The following SLC30A4 variants were observed in gnomAD, a reference collection of about 807,000 sequenced individuals.
SLC30A4 encodes solute carrier family 30 member 4.
Under a neutral mutation model 41.7 loss-of-function variants are expected in SLC30A4, and 20 were observed. The observed-to-expected ratio is 0.48, with a 90% CI of 0.34 to 0.70. The LOEUF is 0.70. Among genes scored for constraint, SLC30A4 ranks in the 30% least tolerant of loss-of-function variants. The pLI, the probability that SLC30A4 is intolerant of heterozygous loss-of-function variation, is 0.01. For missense variants in SLC30A4, 441 were observed against 529.3 expected (o/e 0.83, Z 1.64); for synonymous variants, 181 against 195.9 (o/e 0.92, Z 0.64).
intron 2 of SLC30A4, among the ~76,000 whole-genome samples, chr15:45,513,052 C>T (rs937396921): frequency 2.0e-5 from 3 of 151,740 alleles, no homozygotes; most frequent in Non-Finnish European, 4.4e-5. Context: ...GTAATCCCAA[C>T]ACTTTGGGAG....
At position 45,522,127 on chromosome 15, in the gene SLC30A4, T is replaced by C. The variant is rs1892687767; in HGVS notation, c.228A>G (p.Leu76=). The part of the protein sequence containing the change: ...HPTLQADDDS[L]LDQDLPLTNS... The stretch of plus-strand genomic sequence containing the variant: ...TGGTCAAAGGTAAGTCTTGGTCCAG[T>C]AAGGAATCATCGTCGGCCTGGAGGG... The change falls in exon 2 of 8, where the codon TTA becomes TTG. Residue 76 remains leucine, a synonymous_variant. Transcript: ENST00000261867. 1 of 1,614,164 alleles carries C rather than the reference T, an allele frequency of 6.2e-7. No homozygotes were observed. The highest frequency in any genetic ancestry group is 8.5e-7 in the Non-Finnish European group (1 of 1,180,022).
At chr15:45,485,387 A>G in intron 7 of SLC30A4, 70 bp from the exon 8 acceptor site, 1 of 1,038,976 alleles carries the variant, frequency 9.6e-7, no homozygotes, top group Non-Finnish European at 1.4e-6. Context: ...CAGGGAAAAA[A>G]ACAACTGAAA....
At chr15:45,493,194 C>G (rs1891844087) in intron 3 of SLC30A4, among the ~76,000 whole-genome samples, 1 of 152,208 alleles carries the variant, frequency 6.6e-6, no homozygotes, top group Non-Finnish European at 1.5e-5. Flanking sequence ...ATCGCTTGAA[C>G]TCAGGAGGAG....
chr15:45,479,643 TAA>T lies in SLC30A4; in HGVS notation c.*5518_*5519del, dbSNP rs1446971686. The T allele has an allele frequency of 2.0e-5, 3 of 152,152 alleles. No individual in the cohort carries two copies. The highest frequency in any genetic ancestry group is 2.1e-4 in the South Asian group (1 of 4,834). The allele number at this position is 152,152 out of a possible 1,614,324, so 9.4% of individuals were successfully genotyped here. On this transcript the variant is annotated 3_prime_UTR_variant, in exon 8 of 8. Coordinates refer to ENST00000261867, the MANE Select transcript of SLC30A4 (RefSeq NM_013309.6). Reference sequence around the variant, plus strand: ...TTTTCAGTTTTATTTCTTAAACATATAAGAGGGCATTATAAAATGACATTATA... The same window carrying T: ...TTTTCAGTTTTATTTCTTAAACATATGAGGGCATTATAAAATGACATTATA...
At position 45,522,304 on chromosome 15, in the gene SLC30A4, A is replaced by G. The variant is rs765948032; in HGVS notation, c.51T>C (p.Asp17=). 2.5e-6 allele frequency: 4 copies of G among 1,614,014 alleles called. No individual in the cohort carries two copies. The Admixed American group carries it at 6.7e-5, about 27-fold the overall frequency. The change falls in exon 2 of 8, where the codon GAT becomes GAC. Residue 17 remains aspartate, a synonymous_variant. Transcript: ENST00000261867. ...TGTCATTTAAAAACAGCGGCGCATC[A>G]TCCTTCCTTAGCATAGATTTGAGGC... ...WKRLKSMLRK[D]DAPLFLNDTS... is the part of the protein sequence containing the mutation.
chr15:45,507,601 T>C (rs557650428), intron 3 of SLC30A4, among the ~76,000 whole-genome samples: 6 of 151,560 alleles, frequency 4.0e-5, no homozygotes, highest in African/African-American at 1.5e-4. Flanking sequence ...GATTCTCATG[T>C]CTCAGCCTCC....
At chr15:45,507,092 C>T (rs1293038039) in intron 3 of SLC30A4, among the ~76,000 whole-genome samples, 4 of 151,948 alleles carry the variant, frequency 2.6e-5, no homozygotes, top group Admixed American at 6.6e-5. Flanking sequence ...GAGGCCGAGG[C>T]GGGTGGATCA....
chr15:45,490,046 G>C (rs1891780032), intron 4 of SLC30A4, among the ~76,000 whole-genome samples: 1 of 152,070 alleles, frequency 6.6e-6, no homozygotes, highest in South Asian at 2.1e-4. Flanking sequence ...AAAAATTGCT[G>C]ACTCTGGTCT....
chr15:45,521,939 A>G (rs775418483), intron 2 of SLC30A4, 25 bp downstream of exon 2: 1 of 1,599,728 alleles, frequency 6.3e-7, no homozygotes, highest in South Asian at 1.1e-5. Context: ...AGGTAAACGG[A>G]AAGTGAGTTG....
intron 3 of SLC30A4, among the ~76,000 whole-genome samples, chr15:45,509,899 C>A (rs1166269544): frequency 6.6e-6 from 1 of 152,014 alleles, no homozygotes; most frequent in Non-Finnish European, 1.5e-5. Context: ...TAGGTAGGCC[C>A]TGTCTCTACA....
intron 3 of SLC30A4, among the ~76,000 whole-genome samples, chr15:45,497,603 GAATGGCTAATAA>G (rs1437623536): frequency 6.6e-6 from 1 of 152,032 alleles, no homozygotes; most frequent in Non-Finnish European, 1.5e-5. Flanking sequence ...TAAACAGTTT[GAATGGCTAATAA>G]ATGCTAAAAG....
intron 3 of SLC30A4, among the ~76,000 whole-genome samples, chr15:45,491,903 C>T (rs993616704): frequency 1.1e-4 from 17 of 151,346 alleles, no homozygotes; most frequent in African/African-American, 4.1e-4. Context: ...ACAGAAATGG[C>T]CAAATTCTCA....
rs368169999 is a variant in SLC30A4, at chr15:45,508,663, T to C, written c.538+2475A>G. 6.6e-5 allele frequency among the ~76,000 whole-genome samples: 10 copies of C among 152,328 alleles called. No homozygotes were observed. In the East Asian group the frequency reaches 1.5e-3, roughly 23 times the overall value. ...TTTGGTGTTTTGGTACCTCTATGTT[T>C]TTATCTTAATGGACTCTCAGAGAGA... On this transcript the variant is annotated intron_variant, in intron 3 of 7. Transcript: ENST00000261867.
intron 3 of SLC30A4, among the ~76,000 whole-genome samples, chr15:45,494,539 G>T (rs1184570633): frequency 6.6e-6 from 1 of 152,162 alleles, no homozygotes; most frequent in African/African-American, 2.4e-5. Context: ...ACAAAAATTA[G>T]CTGGGCATGG....
intron 2 of SLC30A4, 60 bp downstream of exon 2, chr15:45,521,889 AAGCCTGTGTAACTAC>A: frequency 5.4e-6 from 8 of 1,467,950 alleles, no homozygotes; most frequent in Non-Finnish European, 7.4e-6. Context: ...TTAAACCTCA[AAGCCTGTGTAACTAC>A]AGCTTGACAA....
At chr15:45,511,491 CT>C (rs553512428) in intron 2 of SLC30A4, among the ~76,000 whole-genome samples, 4 of 148,546 alleles carry the variant, frequency 2.7e-5, no homozygotes, top group South Asian at 2.1e-4. Context: ...TTCTTTTTTT[CT>C]TTTTTTTTTG....
intron 4 of SLC30A4, among the ~76,000 whole-genome samples, chr15:45,490,451 A>G (rs1439320925): frequency 2.0e-5 from 3 of 152,158 alleles, no homozygotes; most frequent in Non-Finnish European, 2.9e-5. Flanking sequence ...TGATAGCTTA[A>G]GAAAAAAAAT....
intron 3 of SLC30A4, among the ~76,000 whole-genome samples, chr15:45,508,063 T>C (rs1262343161): frequency 6.6e-6 from 1 of 152,030 alleles, no homozygotes; most frequent in African/African-American, 2.4e-5. Flanking sequence ...GTTCAAGGGA[T>C]CCTTCTGCCT....
At chr15:45,497,715 A>T (rs2140826158) in intron 3 of SLC30A4, among the ~76,000 whole-genome samples, 1 of 152,330 alleles carries the variant, frequency 6.6e-6, no homozygotes, top group African/African-American at 2.4e-5. Flanking sequence ...AAACATCAAT[A>T]AATTGCCAAA....
Sources: allele counts gnomAD v4.1 joint callset (sites outside exome capture counted in the v4.1 genomes callset), GRCh38; gene constraint gnomAD v4.1.1; transcripts MANE v1.5; gene names NCBI Gene and HGNC (gene_info 2026-07-23, HGNC 2026-07-21).